The following GALNTL6 variants were observed in gnomAD, a reference collection of about 807,000 sequenced individuals.
GALNTL6 encodes the protein polypeptide N-acetylgalactosaminyltransferase-like 6.
In GALNTL6, 46 loss-of-function variants were observed where a neutral mutation model predicts 73.7. That is an observed-to-expected ratio of 0.62 (90% CI 0.49 to 0.80). The LOEUF (loss-of-function observed/expected upper bound fraction) is 0.80. GALNTL6 is among the 30% of genes least tolerant of loss of function. GALNTL6 has a pLI of 0.00. For synonymous variants in GALNTL6, 259 were observed against 263.7 expected (o/e 0.98, Z 0.17); for missense variants, 604 against 755.0 (o/e 0.80, Z 2.34).
Position 172,389,028 on chromosome 4 carries a change from C to T in GALNTL6, c.553+40339C>T, listed in dbSNP as rs140080759. The stretch of plus-strand genomic sequence containing the variant: ...AAAGTTAGTTTTTTAAAATCATCCT[C>T]CGAATTTAAAATTCAGAAATGTATG... On this transcript the variant is annotated intron_variant, in intron 5 of 12. Transcript: ENST00000506823. Among the ~76,000 whole-genome samples the T allele has an allele frequency of 7.2e-4, 109 of 152,018 alleles. 2 individuals are homozygous for T. The East Asian group carries it at 0.017, about 23-fold the overall frequency.
At chr4:172,090,007 C>G (rs1464875172) in intron 2 of GALNTL6, among the ~76,000 whole-genome samples, 1 of 152,178 alleles carries the variant, frequency 6.6e-6, no homozygotes, top group African/African-American at 2.4e-5. Flanking sequence ...CAGCTTCATC[C>G]ATGTCCCTGC....
intron 12 of GALNTL6, among the ~76,000 whole-genome samples, chr4:173,024,416 G>A (rs182386324): frequency 6.6e-6 from 1 of 152,354 alleles, no homozygotes; most frequent in African/African-American, 2.4e-5. Flanking sequence ...CTTGGTGGAT[G>A]ACTCAGGCCT....
intron 5 of GALNTL6, among the ~76,000 whole-genome samples, chr4:172,658,987 G>A (rs1050821957): frequency 4.6e-5 from 7 of 152,120 alleles, no homozygotes; most frequent in African/African-American, 1.7e-4. Context: ...GCATGAAAAA[G>A]CATAAACTGC....
intron 2 of GALNTL6, among the ~76,000 whole-genome samples, chr4:172,059,176 C>T (rs1216087937): frequency 6.6e-6 from 1 of 152,172 alleles, no homozygotes; most frequent in Non-Finnish European, 1.5e-5. Context: ...AGGGGGTTTG[C>T]TTCTGCTCGT....
In GALNTL6 at chr4:172,357,632, T is replaced by TACACAC. The variant is rs1261733062; in HGVS notation, c.553+8944_553+8945insCACACA. Among the ~76,000 whole-genome samples the TACACAC allele has an allele frequency of 7.1e-3, 54 of 7,652 alleles. No individual in the cohort carries two copies. In the South Asian group the frequency reaches 0.077, roughly 11 times the overall value. The allele number at this position is 7,652 out of a possible 152,430, so 5.0% of individuals were successfully genotyped here. On this transcript the variant is annotated intron_variant, in intron 5 of 12. Coordinates refer to ENST00000506823, the MANE Select transcript of GALNTL6 (RefSeq NM_001034845.3). ...GAATATATGTATATATATATAGATA[T>TACACAC]ATACACACACACACACACACACACA... is the stretch of plus-strand genomic sequence containing the variant.
intron 5 of GALNTL6, among the ~76,000 whole-genome samples, chr4:172,373,135 G>A (rs1232785645): frequency 6.6e-6 from 1 of 152,196 alleles, no homozygotes; most frequent in African/African-American, 2.4e-5. Context: ...TAGATCTTGG[G>A]CCAGTGCCTG....
intron 4 of GALNTL6, among the ~76,000 whole-genome samples, chr4:172,320,941 A>G (rs977260408): frequency 6.6e-6 from 1 of 152,174 alleles, no homozygotes; most frequent in African/African-American, 2.4e-5. Flanking sequence ...TTTATCTGTG[A>G]TTTCACTTTT....
intron 5 of GALNTL6, among the ~76,000 whole-genome samples, chr4:172,764,016 TG>T (rs2110836931): frequency 6.7e-6 from 1 of 149,338 alleles, no homozygotes; most frequent in East Asian, 2.0e-4. Flanking sequence ...TGGAGTGCAA[TG>T]GGGCGATCTC....
intron 2 of GALNTL6, among the ~76,000 whole-genome samples, chr4:171,917,262 G>A (rs1578969916): frequency 6.6e-6 from 1 of 151,802 alleles, no homozygotes; most frequent in East Asian, 1.9e-4. Context: ...CCACAGTGTG[G>A]GGTTCCAGAA....
intron 5 of GALNTL6, among the ~76,000 whole-genome samples, chr4:172,459,559 T>C (rs961874072): frequency 3.9e-5 from 6 of 152,146 alleles, no homozygotes; most frequent in African/African-American, 1.4e-4. Context: ...AAGCATTCTA[T>C]ACATCAATGA....
intron 2 of GALNTL6, among the ~76,000 whole-genome samples, chr4:172,209,921 A>G (rs537242594): frequency 4.6e-5 from 7 of 152,234 alleles, no homozygotes; most frequent in African/African-American, 1.7e-4. Context: ...TGAATAGTTT[A>G]TCATCATCTA....
intron 2 of GALNTL6, among the ~76,000 whole-genome samples, chr4:171,900,866 CA>C (rs1737070429): frequency 1.4e-5 from 2 of 147,250 alleles, no homozygotes; most frequent in African/African-American, 5.1e-5. Context: ...GCATCAAAAA[CA>C]GACTAATAAC....
intron 5 of GALNTL6, among the ~76,000 whole-genome samples, chr4:172,618,864 A>C (rs1658515): frequency 0.43 from 64,661 of 151,842 alleles, 15,537 homozygotes; most frequent in African/African-American, 0.65. Context: ...GCTGCGATTA[A>C]GGGTGCGCAC....
intron 8 of GALNTL6, among the ~76,000 whole-genome samples, chr4:172,920,974 T>G (rs1348325272): frequency 6.6e-6 from 1 of 152,160 alleles, no homozygotes; most frequent in African/African-American, 2.4e-5. Context: ...TGATGAGTAC[T>G]GAGAGTATAG....
intron 2 of GALNTL6, among the ~76,000 whole-genome samples, chr4:172,027,448 G>T (rs1741621708): frequency 6.6e-6 from 1 of 152,048 alleles, no homozygotes; most frequent in Non-Finnish European, 1.5e-5. Context: ...CACAAACTGT[G>T]CCCTTGTAAG....
chr4:173,023,850 C>T (rs1753116779), intron 12 of GALNTL6, among the ~76,000 whole-genome samples: 1 of 151,688 alleles, frequency 6.6e-6, no homozygotes, highest in Non-Finnish European at 1.5e-5. Context: ...TGCTATTCAA[C>T]ATGATACAGC....
chr4:172,037,693 A>G (rs78642859), intron 2 of GALNTL6, among the ~76,000 whole-genome samples: 2,893 of 152,298 alleles, frequency 0.019, 82 homozygotes, highest in African/African-American at 0.062. Flanking sequence ...GGGACAGACT[A>G]TGCTGAAATA....
intron 5 of GALNTL6, among the ~76,000 whole-genome samples, chr4:172,674,254 T>G (rs924996008): frequency 9.2e-5 from 14 of 152,160 alleles, no homozygotes; most frequent in African/African-American, 3.1e-4. Flanking sequence ...AATTCTGGGT[T>G]GGAATTTCTT....
At chr4:172,049,622 C>G (rs1472149166) in intron 2 of GALNTL6, among the ~76,000 whole-genome samples, 1 of 152,074 alleles carries the variant, frequency 6.6e-6, no homozygotes, top group Non-Finnish European at 1.5e-5. Flanking sequence ...TTCTCAAGAC[C>G]ACGTTTATTC....
Sources: allele counts gnomAD v4.1 joint callset (sites outside exome capture counted in the v4.1 genomes callset), GRCh38; gene constraint gnomAD v4.1.1; transcripts MANE v1.5; gene names NCBI Gene and HGNC (gene_info 2026-07-23, HGNC 2026-07-21).